Variants in PRIM2 observed in about 807,000 individuals in gnomAD.
The protein encoded by PRIM2 is DNA primase subunit 2.
Under a neutral mutation model 67.3 loss-of-function variants are expected in PRIM2, and 39 were observed. That is an observed-to-expected ratio of 0.58 (90% CI 0.45 to 0.76). The LOEUF is 0.76. Among genes scored for constraint, PRIM2 ranks in the 30% least tolerant of loss-of-function variants. The pLI, the probability that PRIM2 is intolerant of heterozygous loss-of-function variation, is 0.00. For missense variants in PRIM2, 398 were observed against 598.7 expected (o/e 0.66, Z 3.50); for synonymous variants, 143 against 198.7 (o/e 0.72, Z 2.36).
chr6:57,645,013 CAAG>C (rs1391529071), intron 13 of PRIM2, among the ~76,000 whole-genome samples: 3 of 152,028 alleles, frequency 2.0e-5, no homozygotes, highest in Non-Finnish European at 4.4e-5. Context: ...GTGAAATTTA[CAAG>C]AAGAGATTTT....
In PRIM2 at chr6:57,507,396, A is replaced by G. The variant is rs1714291728; in HGVS notation, c.703A>G (p.Arg235Gly). The change falls in exon 8 of 14, where the codon AGG becomes GGG. Residue 235 changes from arginine to glycine, a missense_variant. By Grantham distance (125) the Arg-to-Gly change is moderately radical (BLOSUM62 -2). This residue lies in a region of PRIM2 where 229 missense variants were observed against 383.6 expected (regional missense o/e 0.60). Coordinates refer to ENST00000615550, the MANE Select transcript of PRIM2 (RefSeq NM_000947.5). ...KLSKALALTA[R>G]SLPAVQSDER... Reference sequence around the variant, plus strand: ...TCTTCCCTGCTTTTAGTTAACAGCCAGGTCCTTGCCTGCTGTGCAGTCTGA... The same window carrying G: ...TCTTCCCTGCTTTTAGTTAACAGCCGGGTCCTTGCCTGCTGTGCAGTCTGA... 1.3e-6 allele frequency: 2 copies of G among 1,538,872 alleles called. No individual in the cohort carries two copies. Among genetic ancestry groups the G allele is most frequent in the South Asian group, 2.4e-5 (2 of 83,346 alleles).
intron 7 of PRIM2, among the ~76,000 whole-genome samples, chr6:57,424,315 C>T (rs1205766775): frequency 6.6e-6 from 1 of 151,916 alleles, no homozygotes; most frequent in Non-Finnish European, 1.5e-5. Context: ...CATTTCTAGC[C>T]AAAGTAGAGG....
chr6:57,636,398 C>T (rs1777122120), intron 13 of PRIM2, among the ~76,000 whole-genome samples: 1 of 152,116 alleles, frequency 6.6e-6, no homozygotes, highest in Non-Finnish European at 1.5e-5. Flanking sequence ...AGTTTATGCT[C>T]TTCCCCTTCC....
intron 10 of PRIM2, among the ~76,000 whole-genome samples, chr6:57,576,692 T>C (rs1775969394): frequency 6.6e-6 from 1 of 150,812 alleles, no homozygotes; most frequent in African/African-American, 2.5e-5. Flanking sequence ...TCATGGACAT[T>C]TTCTCAGATA....
At chr6:57,333,965 A>G (rs960353832) in intron 5 of PRIM2, among the ~76,000 whole-genome samples, 62 of 152,328 alleles carry the variant, frequency 4.1e-4, no homozygotes, top group African/African-American at 1.5e-3. Context: ...GTTTGTTGTC[A>G]TTAACTGTAG....
chr6:57,494,851 A>G (rs1773970379), intron 7 of PRIM2, among the ~76,000 whole-genome samples: 1 of 152,218 alleles, frequency 6.6e-6, no homozygotes, highest in African/African-American at 2.4e-5. Context: ...AATGCATCCT[A>G]TGTAATGTTG....
chr6:57,515,190 TA>T (rs1376727189), intron 8 of PRIM2, among the ~76,000 whole-genome samples: 5,681 of 152,310 alleles, frequency 0.037, 140 homozygotes, highest in Middle Eastern at 0.075. Context: ...AGTATCTGCA[TA>T]ATAGTCAATC....
At chr6:57,596,932 A>G (rs2127490273) in intron 10 of PRIM2, among the ~76,000 whole-genome samples, 1 of 152,258 alleles carries the variant, frequency 6.6e-6, no homozygotes, top group East Asian at 1.9e-4. Flanking sequence ...CAAGTTTTTG[A>G]AGTTATTTAA....
At chr6:57,530,410 T>C (rs1774862238) in intron 8 of PRIM2, among the ~76,000 whole-genome samples, 1 of 152,212 alleles carries the variant, frequency 6.6e-6, no homozygotes, top group Admixed American at 6.5e-5. Flanking sequence ...CATCTCCACA[T>C]AATAAGAATC....
intron 7 of PRIM2, among the ~76,000 whole-genome samples, chr6:57,423,820 T>G (rs748380377): frequency 1.3e-5 from 2 of 152,230 alleles, no homozygotes; most frequent in Non-Finnish European, 2.9e-5. Context: ...TTTCAGTAAC[T>G]GATCCCTTGA....
rs1410276298 is a variant in PRIM2 at position 57,562,998 on chromosome 6, G to C, written c.1020+25373G>C. ...ATAAGCAGAGAGTACGAGGGCCACT[G>C]TTTGGGCCAATTTTTTTCAAAAGGG... On this transcript the variant is annotated intron_variant, in intron 10 of 13. Transcript: ENST00000615550. 6.0e-4 allele frequency among the ~76,000 whole-genome samples: 91 copies of C among 152,248 alleles called. 1 individual carries two copies. In the South Asian group the frequency reaches 0.019, roughly 31 times the overall value.
intron 13 of PRIM2, among the ~76,000 whole-genome samples, chr6:57,636,959 G>A (rs2127500531): frequency 6.6e-6 from 1 of 152,304 alleles, no homozygotes; most frequent in African/African-American, 2.4e-5. Context: ...TCTCCTGACT[G>A]GGAGACACCT....
chr6:57,557,454 C>G (rs1241282889), intron 10 of PRIM2, among the ~76,000 whole-genome samples: 1 of 152,160 alleles, frequency 6.6e-6, no homozygotes, highest in Non-Finnish European at 1.5e-5. Context: ...AGAACAAGAT[C>G]TTGTCTTTTG....
the PRIM2 span, among the ~76,000 whole-genome samples, chr6:57,241,897 C>G: frequency 2.0e-5 from 3 of 152,038 alleles, no homozygotes; most frequent in African/African-American, 7.2e-5. Flanking sequence ...TGGTCTCGAT[C>G]TCCTGACCTC....
chr6:57,361,895 TA>T (rs368255025), intron 5 of PRIM2, among the ~76,000 whole-genome samples: 5,096 of 151,902 alleles, frequency 0.034, 304 homozygotes, highest in African/African-American at 0.12. Context: ...ACAAGGGTTA[TA>T]GGGGGAAAAA....
chr6:57,562,368 T>TG (rs1348679974), intron 10 of PRIM2, among the ~76,000 whole-genome samples: 2 of 152,118 alleles, frequency 1.3e-5, no homozygotes, highest in African/African-American at 4.8e-5. Flanking sequence ...CACAATGAAA[T>TG]GGGCACAATA....
intron 10 of PRIM2, among the ~76,000 whole-genome samples, chr6:57,594,128 T>C (rs1331277969): frequency 5.9e-5 from 9 of 152,260 alleles, no homozygotes; most frequent in Non-Finnish European, 1.3e-4. Flanking sequence ...TTTTAATGTC[T>C]TTGTTTTCAC....
chr6:57,471,242 A>G (rs2127401803), intron 7 of PRIM2, among the ~76,000 whole-genome samples: 1 of 152,262 alleles, frequency 6.6e-6, no homozygotes, highest in Non-Finnish European at 1.5e-5. Flanking sequence ...GCACTAAACA[A>G]ATAGAGGAGA....
intron 7 of PRIM2, among the ~76,000 whole-genome samples, chr6:57,447,710 T>TA (rs2127388566): frequency 6.6e-6 from 1 of 152,336 alleles, no homozygotes; most frequent in South Asian, 2.1e-4. Flanking sequence ...TGTGGAACTA[T>TA]TAAAATCAAG....
Sources: gnomAD v4.1 joint callset for allele counts (sites outside exome capture counted in the v4.1 genomes callset) on GRCh38, gnomAD v4.1.1 for gene constraint, gnomAD v4.1.1 regional missense constraint, MANE v1.5 for transcripts, NCBI Gene and HGNC (gene_info 2026-07-23, HGNC 2026-07-21) for gene names.